Variants in MCF2L2 observed in about 807,000 individuals in gnomAD.
MCF2L2 encodes the protein probable guanine nucleotide exchange factor MCF2L2.
A neutral mutation model predicts 150.2 loss-of-function variants in MCF2L2; 102 were observed. That is an observed-to-expected ratio of 0.68 (90% CI 0.58 to 0.80). MCF2L2 has a LOEUF of 0.80. Ranked by LOEUF, MCF2L2 falls within the 30% of genes least tolerant of loss-of-function variation. The probability of loss-of-function intolerance (pLI) is 0.00; values close to 1 mark genes in which losing one functional copy is unlikely to be tolerated. For missense variants in MCF2L2, 1,256 were observed against 1,372.8 expected, an observed-to-expected ratio of 0.91 and a Z score of 1.34; for synonymous variants, 465 against 491.3, an observed-to-expected ratio of 0.95 and a Z score of 0.71.
chr3:183,269,838 C>A (rs778462202), intron 15 of MCF2L2: 3 of 1,611,892 alleles, frequency 1.9e-6, no homozygotes, highest in Middle Eastern at 1.7e-4. Context: ...CAAAAAATGG[C>A]AGTTAATTAT....
rs900585499 is a variant in MCF2L2, at chr3:183,276,888, C to T, written c.1846G>A (p.Asp616Asn). The change falls in exon 15 of 30, where the codon GAC becomes AAC. Residue 616 changes from aspartate to asparagine, a missense_variant. Physicochemically the swap from Asp to Asn is conservative, Grantham distance 23. Coordinates refer to ENST00000328913, the MANE Select transcript of MCF2L2 (RefSeq NM_015078.4). The part of the protein sequence containing the change: ...PELEQQARLG[D>N]LSPRRRIIRD... ...CAGTCTTACCTGCGGGGGGAAAGGT[C>T]TCCGAGCCTGGCCTGCTGCTCCAGC... The T allele has an allele frequency of 2.5e-6, 4 of 1,609,648 alleles. No individual in the cohort carries two copies. The highest frequency in any genetic ancestry group is 2.5e-6 in the Non-Finnish European group (3 of 1,177,812).
At chr3:183,243,449 G>C (rs891098247) in intron 15 of MCF2L2, among the ~76,000 whole-genome samples, 1 of 152,150 alleles carries the variant, frequency 6.6e-6, no homozygotes, top group Non-Finnish European at 1.5e-5. Context: ...ATAAGAGCTT[G>C]TATCTGATTT....
chr3:183,190,988 G>A (rs902305479), intron 27 of MCF2L2, among the ~76,000 whole-genome samples: 2 of 152,168 alleles, frequency 1.3e-5, no homozygotes, highest in East Asian at 3.9e-4. Flanking sequence ...TGGGTTCAAG[G>A]AATTCTCCTG....
intron 15 of MCF2L2, chr3:183,272,254 C>T (rs1220141045): frequency 2.0e-6 from 2 of 1,000,158 alleles, no homozygotes; most frequent in East Asian, 1.1e-4. Context: ...TACACACTAC[C>T]TCCCTTCACT....
chr3:183,206,920 A>G (rs1470118777), intron 23 of MCF2L2, among the ~76,000 whole-genome samples: 1 of 12,612 alleles, frequency 7.9e-5, no homozygotes, highest in Non-Finnish European at 2.3e-4. Flanking sequence ...AAAGAAAGGA[A>G]GGAAGGAAGG....
At chr3:183,253,080 T>C (rs1019817413) in intron 15 of MCF2L2, among the ~76,000 whole-genome samples, 1 of 152,206 alleles carries the variant, frequency 6.6e-6, no homozygotes, top group African/African-American at 2.4e-5. Context: ...AAACACTTCC[T>C]GGAATTCTCA....
chr3:183,270,621 C>T lies in MCF2L2; in HGVS notation c.1862+6251G>A. On this transcript the variant is annotated intron_variant, in intron 15 of 29. Transcript: ENST00000328913. This position sits in a 1 kb window ranked among gnomAD's most constrained non-coding sequence, Gnocchi z 4.5. ...CAAAGTCTATGAGGCATCACAGACA[C>T]TAAATTCAAGTCTTTACATAGACGA... 6.2e-7 allele frequency: 1 copy of T among 1,614,164 alleles called. No individual in the cohort carries two copies. Among genetic ancestry groups the T allele is most frequent in the Non-Finnish European group, 8.5e-7 (1 of 1,180,036 alleles).
chr3:183,298,139 G>A (rs1158095467), intron 11 of MCF2L2: 2 of 152,192 alleles, frequency 1.3e-5, no homozygotes, highest in Non-Finnish European at 2.9e-5. Flanking sequence ...GTTTCTGGAT[G>A]CTGGGAGGAC....
At chr3:183,402,286 GC>G (rs112011292) in intron 1 of MCF2L2, among the ~76,000 whole-genome samples, 53,177 of 149,564 alleles carry the variant, frequency 0.36, 9,570 homozygotes, top group Middle Eastern at 0.41. Flanking sequence ...TACTAAAAAT[GC>G]AAAAAAAAAT....
intron 1 of MCF2L2, among the ~76,000 whole-genome samples, chr3:183,398,522 A>G (rs979681698): frequency 4.0e-5 from 6 of 151,104 alleles, no homozygotes; most frequent in African/African-American, 1.2e-4. Flanking sequence ...TTAATATAAT[A>G]TATTTATAAT....
At chr3:183,352,196 T>C (rs1711521466) in intron 3 of MCF2L2, among the ~76,000 whole-genome samples, 1 of 152,226 alleles carries the variant, frequency 6.6e-6, no homozygotes, top group South Asian at 2.1e-4. Flanking sequence ...CTCCATGTTC[T>C]ATGTAGGAGA....
At chr3:183,308,394 T>C (rs536702982) in intron 10 of MCF2L2, among the ~76,000 whole-genome samples, 9 of 152,344 alleles carry the variant, frequency 5.9e-5, no homozygotes, top group African/African-American at 2.2e-4. Context: ...GATATAAGGT[T>C]GGGGCTGTCC....
At chr3:183,363,268 C>T (rs1712323525) in intron 3 of MCF2L2, among the ~76,000 whole-genome samples, 1 of 152,162 alleles carries the variant, frequency 6.6e-6, no homozygotes. Context: ...CTTACCATAA[C>T]AAAACTACAC....
chr3:183,332,570 G>A (rs968333794), intron 5 of MCF2L2, among the ~76,000 whole-genome samples: 13 of 152,116 alleles, frequency 8.5e-5, no homozygotes, highest in African/African-American at 2.7e-4. Flanking sequence ...TATAAAACAC[G>A]TGTTTTATAT....
At chr3:183,345,134 T>C (rs1348649708) in intron 3 of MCF2L2, among the ~76,000 whole-genome samples, 1 of 152,164 alleles carries the variant, frequency 6.6e-6, no homozygotes, top group Non-Finnish European at 1.5e-5. Flanking sequence ...CAGCACCACA[T>C]AGCACTTATT....
intron 19 of MCF2L2, 77 bp from the exon 20 acceptor site, chr3:183,223,515 A>G (rs1389426775): frequency 1.8e-6 from 2 of 1,108,112 alleles, no homozygotes; most frequent in Admixed American, 3.6e-5. Flanking sequence ...ATTTAGGTAC[A>G]AAACACAAAA....
chr3:183,210,796 A>T (rs1435695443), intron 22 of MCF2L2, among the ~76,000 whole-genome samples: 2 of 152,190 alleles, frequency 1.3e-5, no homozygotes, highest in African/African-American at 4.8e-5. Context: ...TTTGTGCTTT[A>T]TTACCTCTGA....
chr3:183,201,629 C>G (rs1722287092), intron 25 of MCF2L2, among the ~76,000 whole-genome samples: 1 of 152,126 alleles, frequency 6.6e-6, no homozygotes. Flanking sequence ...TTTCTCCTGC[C>G]TGATTGCCCT....
At chr3:183,292,324 G>T (rs1728200675) in intron 13 of MCF2L2, among the ~76,000 whole-genome samples, 1 of 152,060 alleles carries the variant, frequency 6.6e-6, no homozygotes, top group South Asian at 2.1e-4. Context: ...GGAGGCAGAG[G>T]CAGGAGGATA....
Sources: allele counts gnomAD v4.1 joint callset (sites outside exome capture counted in the v4.1 genomes callset), GRCh38; gene constraint gnomAD v4.1.1; non-coding constraint Gnocchi (gnomAD v3.1); transcripts MANE v1.5; gene names NCBI Gene and HGNC (gene_info 2026-07-23, HGNC 2026-07-21).